Variants in BRD8 observed in about 807,000 individuals in gnomAD.
BRD8 encodes the protein bromodomain-containing protein 8.
BRD8 carries 67 observed loss-of-function variants against 143.1 expected under a neutral mutation model. The ratio of observed to expected loss-of-function variants is 0.47; its 90% CI spans 0.38 to 0.57. The LOEUF (loss-of-function observed/expected upper bound fraction) is 0.57, where lower values mean the gene tolerates loss of function less well. BRD8 is among the 20% of genes least tolerant of loss of function. The probability of loss-of-function intolerance (pLI) is 0.00; values close to 1 mark genes in which losing one functional copy is unlikely to be tolerated. For synonymous variants in BRD8, 505 were observed against 517.1 expected (o/e 0.98, Z 0.32); for missense variants, 1,103 against 1,503.0 (o/e 0.73, Z 4.40).
intron 20 of BRD8, among the ~76,000 whole-genome samples, chr5:138,154,992 G>A (rs1172191609): frequency 7.9e-5 from 12 of 151,864 alleles, no homozygotes; most frequent in African/African-American, 2.2e-4. Context: ...ACCATGCCTG[G>A]CCAATTTTTT....
chr5:138,168,827 C>T, intron 8 of BRD8: 2 of 612,574 alleles, frequency 3.3e-6, no homozygotes, highest in Non-Finnish European at 5.7e-6. Flanking sequence ...CCCTCCTGCT[C>T]TTAGCCATAC....
intron 8 of BRD8, 29 bp from the exon 9 acceptor site, chr5:138,168,107 A>G: frequency 6.3e-7 from 1 of 1,574,990 alleles, no homozygotes; most frequent in Non-Finnish European, 8.6e-7. Context: ...GGTGAAGGCT[A>G]CACTCAAGCT....
At chr5:138,143,314 AT>A (rs1290636083) in intron 25 of BRD8, among the ~76,000 whole-genome samples, 1 of 152,058 alleles carries the variant, frequency 6.6e-6, no homozygotes, top group Non-Finnish European at 1.5e-5. Context: ...AATTTAAAAA[AT>A]AATAAATTTA....
In BRD8 at chr5:138,165,220, C is replaced by T; in HGVS notation, c.1279-54G>A. The T allele has an allele frequency of 1.9e-6, 3 of 1,554,080 alleles. No individual in the cohort carries two copies. In the Admixed American group the frequency reaches 6.3e-5, roughly 33 times the overall value. ...GTCACAGAAAGAAGCCCAAGTCCTT[C>T]AATTTTTGTTAGCACCAAATGTGAT... On this transcript the variant is annotated intron_variant, in intron 11 of 26. Transcript: ENST00000254900.
chr5:138,149,068 T>G (rs1752276415), intron 23 of BRD8, among the ~76,000 whole-genome samples: 1 of 151,236 alleles, frequency 6.6e-6, no homozygotes, highest in Admixed American at 6.6e-5. Context: ...CCTGTCTCTA[T>G]TAAAGAAAAA....
chr5:138,158,319 G>A (rs778758058), intron 20 of BRD8, among the ~76,000 whole-genome samples: 1 of 152,090 alleles, frequency 6.6e-6, no homozygotes, highest in East Asian at 1.9e-4. Context: ...GTCCCATAAT[G>A]AACAACACAG....
At chr5:138,176,041 C>A (rs535069458) in intron 2 of BRD8, among the ~76,000 whole-genome samples, 1 of 151,594 alleles carries the variant, frequency 6.6e-6, no homozygotes, top group Admixed American at 6.6e-5. Context: ...CACGAATGTG[C>A]ACATCATCAG....
chr5:138,161,798 C>T lies in BRD8; in HGVS notation c.2247G>A (p.Gln749=). The T allele has an allele frequency of 6.2e-7, 1 of 1,613,920 alleles. No homozygotes were observed. Among genetic ancestry groups the T allele is most frequent in the Non-Finnish European group, 8.5e-7 (1 of 1,179,852 alleles). Residue 749 remains glutamine (Q), a splice_region_variant and synonymous_variant, in exon 17 of 27, where the codon CAG becomes CAA. Coordinates refer to ENST00000254900, the MANE Select transcript of BRD8 (RefSeq NM_139199.2). ...DIAPGYHSIV[Q]RPMDLSTIKK... Reference sequence around the variant, plus strand: ...ATGCTGGGTGGACCATGGCTCACCTCTGCACAATGCTGTGGTAGCCAGGTG... The same window carrying T: ...ATGCTGGGTGGACCATGGCTCACCTTTGCACAATGCTGTGGTAGCCAGGTG...
chr5:138,161,295 A>T (rs1752980411), intron 17 of BRD8: 1 of 397,782 alleles, frequency 2.5e-6, no homozygotes, highest in Non-Finnish European at 4.5e-6. Flanking sequence ...TTTTTTGGAG[A>T]CAGGGCCTGG....
At chr5:138,140,904 CAA>C in intron 25 of BRD8, 22 bp from the exon 26 acceptor site, 1 of 1,612,062 alleles carries the variant, frequency 6.2e-7, no homozygotes. Context: ...CAAGAAAAAA[CAA>C]AGAAAATCAA....
chr5:138,140,755 C>T lies in BRD8; in HGVS notation c.3565G>A (p.Val1189Ile). Residue 1189 changes from valine to isoleucine, a missense_variant, in exon 26 of 27, where the codon GTA becomes ATA. Physicochemically the swap from Val to Ile is conservative, Grantham distance 29. Around this residue, in one of 7 missense-constraint regions of BRD8, gnomAD observed 369 missense variants for 445.5 expected, o/e 0.83. Transcript: ENST00000254900. ...AVMYNDSDHHVYHMAVEMRQE... is the reference protein window; with the variant it reads ...AVMYNDSDHHIYHMAVEMRQE... ...CGCATCTCCACAGCCATATGGTATA[C>T]ATGATGATCAGAGTCATTGTACATT... 6.2e-7 allele frequency: 1 copy of T among 1,614,186 alleles called. No individual in the cohort carries two copies. Among genetic ancestry groups the T allele is most frequent in the South Asian group, 1.1e-5 (1 of 91,082 alleles).
chr5:138,170,524 T>G lies in BRD8; in HGVS notation c.441-115A>C, dbSNP rs763859373. On this transcript the variant is annotated intron_variant, in intron 6 of 26. Transcript: ENST00000254900. ...GCCAGCACTTTCTGGAAGAAAGGCC[T>G]AAACAGGAATTCTAACCAGCAAAAC... 3 of 1,095,932 alleles carry G rather than the reference T, an allele frequency of 2.7e-6. No individual in the cohort carries two copies. The African/African-American group carries it at 4.6e-5, about 17-fold the overall frequency. 67.9% of individuals were successfully genotyped at this position (1,095,932 alleles called of 1,614,324 possible). A position where few individuals can be genotyped will look rare whatever the true frequency, so the allele number is the denominator to read the frequency against.
chr5:138,166,311 T>C (rs1174763471), intron 10 of BRD8: 2 of 615,540 alleles, frequency 3.2e-6, no homozygotes, highest in African/African-American at 3.7e-5. Context: ...CATATCTGTA[T>C]ACTTAGCCTC....
chr5:138,163,939 G>A (rs1753201859), intron 14 of BRD8, 148 bp downstream of exon 14: 2 of 913,010 alleles, frequency 2.2e-6, no homozygotes, highest in East Asian at 4.8e-5. Context: ...CTCCCATTAT[G>A]CCTGTCTACT....
At chr5:138,157,537 A>T (rs1752687800) in intron 20 of BRD8, 1 of 478,032 alleles carries the variant, frequency 2.1e-6, no homozygotes, top group Middle Eastern at 5.8e-4. Flanking sequence ...AATAACTATT[A>T]GTCATCCCAC....
At chr5:138,163,960 C>T in intron 14 of BRD8, 127 bp downstream of exon 14, 4 of 1,151,800 alleles carry the variant, frequency 3.5e-6, no homozygotes, top group Non-Finnish European at 3.8e-6. Context: ...GCAGCTTTTC[C>T]CCATGCAACT....
At chr5:138,156,429 C>T (rs1235227500) in intron 20 of BRD8, among the ~76,000 whole-genome samples, 5 of 152,134 alleles carry the variant, frequency 3.3e-5, no homozygotes, top group Admixed American at 6.5e-5. Flanking sequence ...TGAGCCACCA[C>T]GCCCGGCCGC....
chr5:138,166,477 C>T, intron 10 of BRD8, 41 bp downstream of exon 10: 1 of 1,405,046 alleles, frequency 7.1e-7, no homozygotes, highest in Non-Finnish European at 9.7e-7. Flanking sequence ...AACTAAAGCT[C>T]AAAATGAAAT....
chr5:138,159,255 A>G (rs1034022921), intron 20 of BRD8, among the ~76,000 whole-genome samples: 2 of 152,128 alleles, frequency 1.3e-5, no homozygotes, highest in African/African-American at 4.8e-5. Flanking sequence ...ATTTGTTAAG[A>G]AAAGAATTGG....
Sources: allele counts gnomAD v4.1 joint callset (sites outside exome capture counted in the v4.1 genomes callset), GRCh38; gene constraint gnomAD v4.1.1; regional missense constraint gnomAD v4.1.1; transcripts MANE v1.5; gene names NCBI Gene and HGNC (gene_info 2026-07-23, HGNC 2026-07-21).